The following SUCLG2 variants were observed in gnomAD, a reference collection of about 807,000 sequenced individuals.
SUCLG2 encodes succinate--CoA ligase [GDP-forming] subunit beta, mitochondrial.
A neutral mutation model predicts 47.9 loss-of-function variants in SUCLG2; 42 were observed. The observed-to-expected ratio is 0.88, with a 90% confidence interval of 0.69 to 1.14. SUCLG2 has a LOEUF of 1.14. Ranked by LOEUF, SUCLG2 falls within the 50% of genes most tolerant of loss-of-function variation. The pLI, the probability that SUCLG2 is intolerant of heterozygous loss-of-function variation, is 0.00. For synonymous variants in SUCLG2, 195 were observed against 197.3 expected (o/e 0.99, Z 0.10); for missense variants, 571 against 525.9 (o/e 1.09, Z -0.84).
chr3:67,544,419 A>G (rs989041721), intron 2 of SUCLG2, among the ~76,000 whole-genome samples: 7 of 152,102 alleles, frequency 4.6e-5, no homozygotes, highest in Admixed American at 3.9e-4. Flanking sequence ...ATGATGGTTT[A>G]AAAGTGGCAC....
intron 9 of SUCLG2, among the ~76,000 whole-genome samples, chr3:67,449,298 T>C (rs894562985): frequency 6.6e-6 from 1 of 152,208 alleles, no homozygotes; most frequent in African/African-American, 2.4e-5. Context: ...ATGAGCTTTA[T>C]CTGGGATCTT....
At chr3:67,567,201 G>A (rs1707474708) in intron 2 of SUCLG2, among the ~76,000 whole-genome samples, 1 of 151,764 alleles carries the variant, frequency 6.6e-6, no homozygotes, top group African/African-American at 2.4e-5. Flanking sequence ...AAAAAAAGGT[G>A]GGAGGAGGAA....
rs766151119 is a variant in SUCLG2, at chr3:67,498,119, A to G, written c.919+15T>C. 128 of 1,593,864 alleles carry G rather than the reference A, an allele frequency of 8.0e-5. No individual in the cohort carries two copies. Among genetic ancestry groups the G allele is most frequent in the Non-Finnish European group, 9.8e-5 (115 of 1,167,982 alleles). On this transcript the variant is annotated intron_variant, in intron 8 of 10. Transcript: ENST00000307227. ...AGAATCCACAAAGCATTCTTTTGAT[A>G]TAACTGCTTCTTACCAAAGCAGGCA...
chr3:67,646,154 C>G (rs1236930024), intron 1 of SUCLG2, among the ~76,000 whole-genome samples: 1 of 151,386 alleles, frequency 6.6e-6, no homozygotes, highest in Non-Finnish European at 1.5e-5. Flanking sequence ...ATGGATCAGG[C>G]CACTCCCCAG....
intron 1 of SUCLG2, among the ~76,000 whole-genome samples, chr3:67,625,257 G>C (rs1156890501): frequency 6.6e-6 from 1 of 152,152 alleles, no homozygotes; most frequent in African/African-American, 2.4e-5. Context: ...AAGGCTCGGT[G>C]GGTCATCTTC....
At chr3:67,475,775 A>G (rs967842863) in intron 9 of SUCLG2, among the ~76,000 whole-genome samples, 1 of 151,442 alleles carries the variant, frequency 6.6e-6, no homozygotes, top group African/African-American at 2.4e-5. Context: ...GCTTGTCTCA[A>G]ACTCCTGGTC....
Position 67,498,353 on chromosome 3 carries a change from T to A in SUCLG2, c.758-58A>T. ...ATCTCTTGAGGATCTATAAATTAAG[T>A]TCTTCAGGCTGGTAGGCACAAGCGA... On this transcript the variant is annotated intron_variant, in intron 7 of 10. Coordinates refer to ENST00000307227, the MANE Select transcript of SUCLG2 (RefSeq NM_003848.4). 1.9e-6 allele frequency: 3 copies of A among 1,571,000 alleles called. No individual in the cohort carries two copies. In the South Asian group the frequency reaches 3.4e-5, roughly 18 times the overall value.
chr3:67,513,650 T>G (rs936060340), intron 6 of SUCLG2, among the ~76,000 whole-genome samples: 2 of 152,186 alleles, frequency 1.3e-5, no homozygotes, highest in Non-Finnish European at 2.9e-5. Context: ...AAGTTAAAAA[T>G]AAGCACAGGT....
intron 1 of SUCLG2, among the ~76,000 whole-genome samples, chr3:67,643,095 A>G (rs982144382): frequency 1.3e-5 from 2 of 152,236 alleles, no homozygotes. Context: ...TGATTGTCAA[A>G]TAAACATTCA....
intron 1 of SUCLG2, among the ~76,000 whole-genome samples, chr3:67,631,647 G>A (rs1368432500): frequency 6.6e-6 from 1 of 151,884 alleles, no homozygotes; most frequent in African/African-American, 2.4e-5. Context: ...AAAAAATAAA[G>A]TATTTACTAC....
chr3:67,384,928 T>C (rs776419673), intron 10 of SUCLG2, among the ~76,000 whole-genome samples: 11 of 152,212 alleles, frequency 7.2e-5, no homozygotes, highest in Non-Finnish European at 1.5e-4. Flanking sequence ...TCTCATGAAG[T>C]CTTTCCCCAT....
chr3:67,476,950 G>A (rs1704777651), intron 9 of SUCLG2, among the ~76,000 whole-genome samples: 1 of 152,114 alleles, frequency 6.6e-6, no homozygotes, highest in African/African-American at 2.4e-5. Context: ...TTGTGGAGAC[G>A]CCATGAAAAT....
intron 9 of SUCLG2, among the ~76,000 whole-genome samples, chr3:67,472,563 C>A (rs1159539490): frequency 1.3e-5 from 2 of 152,128 alleles, no homozygotes; most frequent in Non-Finnish European, 2.9e-5. Context: ...TATGCAGACC[C>A]TCTGAAGCCA....
intron 2 of SUCLG2, among the ~76,000 whole-genome samples, chr3:67,539,942 TTC>T (rs1408988746): frequency 1.3e-5 from 2 of 152,106 alleles, no homozygotes; most frequent in African/African-American, 4.8e-5. Flanking sequence ...TATTTGATTC[TTC>T]TCTCTTTTTT....
intron 1 of SUCLG2, among the ~76,000 whole-genome samples, chr3:67,629,250 A>T (rs561082926): frequency 2.0e-5 from 3 of 152,142 alleles, no homozygotes; most frequent in Non-Finnish European, 4.4e-5. Flanking sequence ...CAATTCTCAC[A>T]CTAACTCCCA....
intron 1 of SUCLG2, among the ~76,000 whole-genome samples, chr3:67,617,382 G>A (rs1406312933): frequency 6.6e-6 from 1 of 152,100 alleles, no homozygotes; most frequent in East Asian, 1.9e-4. Flanking sequence ...GTAATCATCG[G>A]GATTAGAAGC....
intron 4 of SUCLG2, among the ~76,000 whole-genome samples, chr3:67,522,755 C>A (rs931083635): frequency 1.3e-5 from 2 of 150,578 alleles, no homozygotes. Context: ...GCTCTGCCTA[C>A]CAGATTTACG....
intron 10 of SUCLG2, among the ~76,000 whole-genome samples, chr3:67,378,180 T>C (rs1009130125): frequency 6.6e-6 from 1 of 152,250 alleles, no homozygotes; most frequent in Admixed American, 6.5e-5. Flanking sequence ...GCTTCTAAAA[T>C]GGTTTTCAAA....
At chr3:67,500,913 G>C (rs977971636) in intron 7 of SUCLG2, among the ~76,000 whole-genome samples, 3 of 152,184 alleles carry the variant, frequency 2.0e-5, no homozygotes, top group Admixed American at 2.0e-4. Flanking sequence ...GCTTCAGAGA[G>C]AGAATAATTA....
Sources: gnomAD v4.1 joint callset for allele counts (sites outside exome capture counted in the v4.1 genomes callset) on GRCh38, gnomAD v4.1.1 for gene constraint, MANE v1.5 for transcripts, NCBI Gene and HGNC (gene_info 2026-07-23, HGNC 2026-07-21) for gene names.